The following FILIP1L variants were observed in gnomAD, a reference collection of about 807,000 sequenced individuals.
FILIP1L encodes filamin A interacting protein 1 like.
A neutral mutation model predicts 96.6 loss-of-function variants in FILIP1L; 55 were observed. The observed-to-expected ratio is 0.57, with a 90% confidence interval of 0.46 to 0.71. The LOEUF is 0.71. Ranked by LOEUF, FILIP1L falls within the 30% of genes least tolerant of loss-of-function variation. The pLI is 0.00. For missense variants in FILIP1L, 1,304 were observed against 1,321.2 expected (o/e 0.99, Z 0.20); for synonymous variants, 467 against 473.9 (o/e 0.99, Z 0.19).
chr3:100,086,994 A>T (rs865977829), intron 1 of FILIP1L, among the ~76,000 whole-genome samples: 1 of 152,220 alleles, frequency 6.6e-6, no homozygotes, highest in Non-Finnish European at 1.5e-5. Flanking sequence ...AGCAGAATGT[A>T]CTTGAGATAC....
chr3:99,969,177 A>G (rs973426804), intron 1 of FILIP1L, among the ~76,000 whole-genome samples: 1 of 152,180 alleles, frequency 6.6e-6, no homozygotes, highest in African/African-American at 2.4e-5. Flanking sequence ...ATTGAAAGAA[A>G]GTGCACAAGG....
At chr3:99,878,200 T>C (rs1026666118) in intron 4 of FILIP1L, among the ~76,000 whole-genome samples, 2 of 152,188 alleles carry the variant, frequency 1.3e-5, no homozygotes, top group African/African-American at 2.4e-5. Context: ...CCAAGTGAGG[T>C]CATAGTTATG....
chr3:100,094,949 A>G (rs1022510529), intron 1 of FILIP1L, among the ~76,000 whole-genome samples: 1 of 151,934 alleles, frequency 6.6e-6, no homozygotes, highest in Non-Finnish European at 1.5e-5. Context: ...CGGCCTCCCA[A>G]AGTGCTGGGA....
chr3:99,889,507 A>G (rs970968623), intron 4 of FILIP1L, among the ~76,000 whole-genome samples: 6 of 152,028 alleles, frequency 3.9e-5, no homozygotes, highest in Non-Finnish European at 7.4e-5. Flanking sequence ...AGGAATTATA[A>G]TTGTTAAAAT....
At chr3:99,907,888 G>A (rs1706672163) in intron 4 of FILIP1L, among the ~76,000 whole-genome samples, 1 of 152,162 alleles carries the variant, frequency 6.6e-6, no homozygotes, top group Non-Finnish European at 1.5e-5. Flanking sequence ...CCTCCTGAGG[G>A]CAAGGGCCAT....
At chr3:100,073,725 A>G (rs958792181) in intron 1 of FILIP1L, among the ~76,000 whole-genome samples, 1 of 152,072 alleles carries the variant, frequency 6.6e-6, no homozygotes, top group Non-Finnish European at 1.5e-5. Flanking sequence ...GCCGGTGTTC[A>G]CTCTACATTC....
chr3:100,046,703 G>A (rs1004440192), intron 1 of FILIP1L, among the ~76,000 whole-genome samples: 14 of 152,132 alleles, frequency 9.2e-5, no homozygotes, highest in African/African-American at 2.7e-4. Context: ...ATAAGTCAGC[G>A]CTGACAGAAG....
chr3:99,840,262 C>T (rs921252071), intron 5 of FILIP1L, among the ~76,000 whole-genome samples: 7 of 117,598 alleles, frequency 6.0e-5, no homozygotes, highest in Admixed American at 1.1e-4. Context: ...CTTGCTCTGT[C>T]GCCCAGGCTG....
At chr3:99,884,083 G>A (rs1705818021) in intron 4 of FILIP1L, among the ~76,000 whole-genome samples, 1 of 152,152 alleles carries the variant, frequency 6.6e-6, no homozygotes, top group South Asian at 2.1e-4. Context: ...GGATCTTGGA[G>A]ATTATCTAGT....
At chr3:99,928,792 G>A (rs566844395) in intron 3 of FILIP1L, among the ~76,000 whole-genome samples, 1 of 152,172 alleles carries the variant, frequency 6.6e-6, no homozygotes, top group Non-Finnish European at 1.5e-5. Context: ...TTGGGAGCCA[G>A]GATACAGTTT....
chr3:99,849,887 C>G lies in FILIP1L; in HGVS notation c.1789G>C (p.Ala597Pro), dbSNP rs536583796. Residue 597 changes from alanine (A) to proline (P), a missense_variant, in exon 5 of 6, where the codon GCA becomes CCA. Ala to Pro is a conservative substitution (Grantham distance 27). Transcript: ENST00000477258. ...MLKNRLQSLE[A>P]IEKDFLKNKL... ...TTTTTTAGGAAATCTTTCTCAATTGCTTCCAATGATTGAAGCCTATTTTTC... is the reference window on the plus strand; with the variant it reads ...TTTTTTAGGAAATCTTTCTCAATTGGTTCCAATGATTGAAGCCTATTTTTC... 6.2e-7 allele frequency: 1 copy of G among 1,611,872 alleles called. No individual in the cohort carries two copies. The highest frequency in any genetic ancestry group is 1.3e-5 in the African/African-American group (1 of 74,856).
intron 1 of FILIP1L, among the ~76,000 whole-genome samples, chr3:100,039,437 G>A (rs73859921): frequency 0.015 from 2,244 of 152,238 alleles, 56 homozygotes; most frequent in African/African-American, 0.052. Flanking sequence ...TTTCAGTGGA[G>A]TTCTACAAAA....
At chr3:99,991,204 ATTC>A (rs1323088294) in intron 1 of FILIP1L, among the ~76,000 whole-genome samples, 2 of 152,198 alleles carry the variant, frequency 1.3e-5, no homozygotes, top group Non-Finnish European at 2.9e-5. Context: ...TAAGCAGCCT[ATTC>A]TTCTTTAAGG....
chr3:99,931,495 T>C (rs774440689), intron 1 of FILIP1L, among the ~76,000 whole-genome samples: 11 of 152,248 alleles, frequency 7.2e-5, no homozygotes, highest in Non-Finnish European at 1.3e-4. Flanking sequence ...TTTTTTGTTT[T>C]GTTTTTAAAA....
At chr3:100,011,260 G>A (rs371559427) in intron 1 of FILIP1L, among the ~76,000 whole-genome samples, 3 of 152,062 alleles carry the variant, frequency 2.0e-5, no homozygotes, top group Non-Finnish European at 4.4e-5. Flanking sequence ...TTTTTCCTCA[G>A]GGAAATGTTT....
chr3:100,049,665 C>A (rs2065337160), intron 1 of FILIP1L, among the ~76,000 whole-genome samples: 1 of 152,186 alleles, frequency 6.6e-6, no homozygotes, highest in African/African-American at 2.4e-5. Flanking sequence ...AAGAGCAACC[C>A]TTCTTCCTCC....
intron 4 of FILIP1L, among the ~76,000 whole-genome samples, chr3:99,916,500 G>C (rs1020756999): frequency 6.7e-6 from 1 of 148,586 alleles, no homozygotes; most frequent in East Asian, 2.0e-4. Flanking sequence ...TGTTTCTCTG[G>C]AGGACCCTGA....
At chr3:100,063,562 G>T (rs1322015957) in intron 1 of FILIP1L, among the ~76,000 whole-genome samples, 1 of 152,060 alleles carries the variant, frequency 6.6e-6, no homozygotes, top group East Asian at 1.9e-4. Context: ...TGCATAATTA[G>T]CAACTAATGT....
chr3:99,891,998 A>AT (rs1027692027), intron 4 of FILIP1L, among the ~76,000 whole-genome samples: 25 of 152,252 alleles, frequency 1.6e-4, no homozygotes, highest in African/African-American at 5.5e-4. Context: ...AATTTTTCTG[A>AT]TTTTTTCACA....
Sources: gnomAD v4.1 joint callset for allele counts (sites outside exome capture counted in the v4.1 genomes callset) on GRCh38, gnomAD v4.1.1 for gene constraint, MANE v1.5 for transcripts, NCBI Gene and HGNC (gene_info 2026-07-23, HGNC 2026-07-21) for gene names.